Variants in CTNNBIP1 observed in about 807,000 individuals in gnomAD.
The protein encoded by CTNNBIP1 is beta-catenin-interacting protein 1.
Under a neutral mutation model 11.8 loss-of-function variants are expected in CTNNBIP1, and 7 were observed. The observed-to-expected ratio is 0.60, with a 90% CI of 0.34 to 1.12. The LOEUF (loss-of-function observed/expected upper bound fraction) is 1.12, where lower values mean the gene tolerates loss of function less well. CTNNBIP1 is among the 50% of genes most tolerant of loss of function. CTNNBIP1 has a pLI of 0.03. For missense variants in CTNNBIP1, 101 were observed against 113.4 expected (o/e 0.89, Z 0.50); for synonymous variants, 58 against 43.9 (o/e 1.32, Z -1.26).
At chr1:9,863,631 T>G (rs1436388584) in intron 5 of CTNNBIP1, among the ~76,000 whole-genome samples, 1 of 152,182 alleles carries the variant, frequency 6.6e-6, no homozygotes, top group Admixed American at 6.5e-5. Flanking sequence ...GATGGGGGAC[T>G]CATGTGTGAT....
chr1:9,879,333 G>A (rs890089117), intron 2 of CTNNBIP1, among the ~76,000 whole-genome samples: 6 of 152,158 alleles, frequency 3.9e-5, no homozygotes, highest in African/African-American at 7.2e-5. Flanking sequence ...AGAGAGGTGC[G>A]GGGCCAATGA....
intron 3 of CTNNBIP1, among the ~76,000 whole-genome samples, chr1:9,874,550 C>T (rs532655931): frequency 4.6e-5 from 7 of 152,324 alleles, no homozygotes; most frequent in South Asian, 2.1e-4. Flanking sequence ...CCACCATGCC[C>T]GCCTGTCCTG....
At chr1:9,884,058 G>C (rs1430298685) in intron 1 of CTNNBIP1, among the ~76,000 whole-genome samples, 2 of 152,112 alleles carry the variant, frequency 1.3e-5, no homozygotes, top group African/African-American at 4.8e-5. Context: ...CACAGAAAAG[G>C]CTCCCGTGGA....
chr1:9,854,547 G>T (rs1638462955), intron 5 of CTNNBIP1, among the ~76,000 whole-genome samples: 1 of 152,052 alleles, frequency 6.6e-6, no homozygotes, highest in Non-Finnish European at 1.5e-5. Flanking sequence ...TTGGCTTGAG[G>T]TCCATTCCAG....
intron 1 of CTNNBIP1, among the ~76,000 whole-genome samples, chr1:9,902,559 T>C (rs79849236): frequency 1.9e-3 from 292 of 152,262 alleles, no homozygotes; most frequent in Non-Finnish European, 3.4e-3. Context: ...CTTGCTCTTC[T>C]GGAAAGCCAA....
chr1:9,893,442 G>T (rs1639347172), intron 1 of CTNNBIP1, among the ~76,000 whole-genome samples: 1 of 152,114 alleles, frequency 6.6e-6, no homozygotes, highest in South Asian at 2.1e-4. Flanking sequence ...TGGCAAAACT[G>T]GTCTGTTAAG....
At chr1:9,865,804 T>C (rs949894082) in intron 5 of CTNNBIP1, among the ~76,000 whole-genome samples, 2 of 152,172 alleles carry the variant, frequency 1.3e-5, no homozygotes, top group Admixed American at 1.3e-4. Context: ...CCCAGTTTTT[T>C]AAAATGACTA....
At chr1:9,885,725 C>T (rs1437129388) in intron 1 of CTNNBIP1, among the ~76,000 whole-genome samples, 1 of 151,884 alleles carries the variant, frequency 6.6e-6, no homozygotes, top group African/African-American at 2.4e-5. Context: ...GGGTGGATCA[C>T]CTGAGGTTGG....
At chr1:9,896,997 C>T (rs1003659622) in intron 1 of CTNNBIP1, among the ~76,000 whole-genome samples, 2 of 151,656 alleles carry the variant, frequency 1.3e-5, no homozygotes, top group Admixed American at 6.6e-5. Flanking sequence ...TGAAAATTAG[C>T]CGGGCATGGT....
At position 9,890,472 on chromosome 1, in the gene CTNNBIP1, T is replaced by C. The variant is rs377317748; in HGVS notation, c.-143-6734A>G. On this transcript the variant is annotated intron_variant, in intron 1 of 5. Transcript: ENST00000377263. The stretch of plus-strand genomic sequence containing the variant: ...AGAGAACAGCTGGAGCCCTGGAACC[T>C]GGCCAAGTCAGAGCCTGAGACCTGA... Among the ~76,000 whole-genome samples the C allele has an allele frequency of 3.2e-4, 48 of 152,320 alleles. 1 individual carries two copies. In the South Asian group the frequency reaches 1.0e-2, roughly 32 times the overall value.
chr1:9,864,619 T>C (rs1220411), intron 5 of CTNNBIP1, among the ~76,000 whole-genome samples: 48,298 of 152,106 alleles, frequency 0.32, 10,533 homozygotes, highest in African/African-American at 0.63. Flanking sequence ...TGAGCCACCG[T>C]GCCTGGCCGG....
chr1:9,876,382 C>T (rs1244561807), intron 3 of CTNNBIP1, among the ~76,000 whole-genome samples: 10 of 152,064 alleles, frequency 6.6e-5, no homozygotes, highest in African/African-American at 2.4e-4. Flanking sequence ...TTTAGGAGGC[C>T]GAGGCGGGCA....
At chr1:9,853,783 C>T (rs1161084269) in intron 5 of CTNNBIP1, among the ~76,000 whole-genome samples, 2 of 152,124 alleles carry the variant, frequency 1.3e-5, no homozygotes, top group Non-Finnish European at 2.9e-5. Flanking sequence ...TCTCCTGTTC[C>T]ACACTCAAAA....
At position 9,850,584 on chromosome 1, in the gene CTNNBIP1, G is replaced by A. The variant is rs562129487; in HGVS notation, c.*134C>T. On this transcript the variant is annotated 3_prime_UTR_variant, in exon 6 of 6. Coordinates refer to ENST00000377263, the MANE Select transcript of CTNNBIP1 (RefSeq NM_020248.3). ...AGCCCCACTGAGTAGCTGTGAGGTG[G>A]GGTGGGGCAGGGCAGGGTTGGGTAG... The A allele has an allele frequency of 9.7e-5, 71 of 734,174 alleles. No homozygotes were observed. In the Middle Eastern group the frequency reaches 1.5e-3, roughly 15 times the overall value. The allele number at this position is 734,174 out of a possible 1,614,324, so 45.5% of individuals were successfully genotyped here. A position where few individuals can be genotyped will look rare whatever the true frequency, so the allele number is the denominator to read the frequency against.
intron 1 of CTNNBIP1, among the ~76,000 whole-genome samples, chr1:9,903,079 T>C (rs923939245): frequency 2.0e-5 from 3 of 152,204 alleles, no homozygotes; most frequent in Admixed American, 6.5e-5. Flanking sequence ...AATAACTATT[T>C]TTGTCCTGCT....
At chr1:9,857,574 G>A (rs1475720964) in intron 5 of CTNNBIP1, among the ~76,000 whole-genome samples, 4 of 151,986 alleles carry the variant, frequency 2.6e-5, no homozygotes, top group Non-Finnish European at 5.9e-5. Flanking sequence ...GCCGAGGCGG[G>A]CAGATCACCT....
At position 9,871,878 on chromosome 1, in the gene CTNNBIP1, G is replaced by A. The variant is rs991933606; in HGVS notation, c.96+91C>T. On this transcript the variant is annotated intron_variant, in intron 4 of 5. Coordinates refer to ENST00000377263, the MANE Select transcript of CTNNBIP1 (RefSeq NM_020248.3). The surrounding 1 kb of genome is among the most constrained non-coding windows in gnomAD (Gnocchi z 5.2). ...GCCCGTGGCTCCGCAGGAGGCAGCC[G>A]CAGTGGCTCCACCCTCCAATAGCCC... is the stretch of plus-strand genomic sequence containing the variant. 16 of 1,143,764 alleles carry A rather than the reference G, an allele frequency of 1.4e-5. No homozygotes were observed. Among genetic ancestry groups the A allele is most frequent in the Non-Finnish European group, 2.0e-5 (15 of 766,226 alleles). 70.9% of individuals were successfully genotyped at this position (1,143,764 alleles called of 1,614,324 possible).
chr1:9,879,453 C>T (rs1019712321), intron 2 of CTNNBIP1, among the ~76,000 whole-genome samples: 1 of 152,116 alleles, frequency 6.6e-6, no homozygotes, highest in African/African-American at 2.4e-5. Context: ...CAAAAGCCTC[C>T]CCTAAAGTCA....
intron 1 of CTNNBIP1, among the ~76,000 whole-genome samples, chr1:9,904,642 T>C (rs1400734181): frequency 3.3e-5 from 5 of 152,114 alleles, no homozygotes; most frequent in African/African-American, 1.2e-4. Context: ...AGGAAAGCTG[T>C]CCAGTCAATC....
Sources: gnomAD v4.1 joint callset for allele counts (sites outside exome capture counted in the v4.1 genomes callset) on GRCh38, gnomAD v4.1.1 for gene constraint, Gnocchi (gnomAD v3.1) non-coding constraint, MANE v1.5 for transcripts, NCBI Gene and HGNC (gene_info 2026-07-23, HGNC 2026-07-21) for gene names.